The following SHROOM3 variants were observed in gnomAD, a reference collection of about 807,000 sequenced individuals.
SHROOM3 encodes shroom family member 3.
Under a neutral mutation model 138.6 loss-of-function variants are expected in SHROOM3, and 47 were observed. The observed-to-expected ratio is 0.34, with a 90% CI of 0.27 to 0.43. SHROOM3 has a LOEUF of 0.43. Ranked by LOEUF, SHROOM3 falls within the 20% of genes least tolerant of loss-of-function variation. The pLI, the probability that SHROOM3 is intolerant of heterozygous loss-of-function variation, is 1.00. For missense variants in SHROOM3, 2,491 were observed against 2,596.5 expected (o/e 0.96, Z 0.88); for synonymous variants, 1,062 against 1,063.3 (o/e 1.00, Z 0.02).
At chr4:76,449,934 TA>T (rs1392371375) in intron 1 of SHROOM3, among the ~76,000 whole-genome samples, 9 of 152,232 alleles carry the variant, frequency 5.9e-5, no homozygotes, top group Non-Finnish European at 1.2e-4. Flanking sequence ...GTGAGGAAGA[TA>T]AGTGTTTTAC....
intron 10 of SHROOM3, among the ~76,000 whole-genome samples, chr4:76,773,375 A>G (rs1282046046): frequency 5.3e-5 from 6 of 112,592 alleles, no homozygotes; most frequent in Non-Finnish European, 1.2e-4. Context: ...CTGTCTCAGA[A>G]AAAAAAAAAA....
chr4:76,466,681 C>T (rs1328106590), intron 1 of SHROOM3, among the ~76,000 whole-genome samples: 3 of 152,016 alleles, frequency 2.0e-5, no homozygotes, highest in Non-Finnish European at 4.4e-5. Flanking sequence ...GTAATAGTAG[C>T]AATAAGTCTA....
chr4:76,603,838 C>CTTTTTTTT (rs993165829), intron 2 of SHROOM3, among the ~76,000 whole-genome samples: 63 of 97,218 alleles, frequency 6.5e-4, no homozygotes, highest in Non-Finnish European at 9.4e-4. Flanking sequence ...ATCTTGTATT[C>CTTTTTTTT]TTTTTTTTTT....
At chr4:76,673,065 T>C (rs1718935274) in intron 2 of SHROOM3, among the ~76,000 whole-genome samples, 1 of 152,232 alleles carries the variant, frequency 6.6e-6, no homozygotes, top group Non-Finnish European at 1.5e-5. Context: ...GGCCAGATTT[T>C]TTGAAAAGTC....
chr4:76,707,427 T>C (rs1720089700), intron 2 of SHROOM3, among the ~76,000 whole-genome samples: 1 of 152,188 alleles, frequency 6.6e-6, no homozygotes, highest in Non-Finnish European at 1.5e-5. Flanking sequence ...GTGGGAATAA[T>C]ATCTGGCACA....
At chr4:76,448,119 C>T (rs556816475) in intron 1 of SHROOM3, among the ~76,000 whole-genome samples, 10 of 152,030 alleles carry the variant, frequency 6.6e-5, no homozygotes, top group African/African-American at 2.4e-4. Flanking sequence ...GGGTCAGGTA[C>T]TATGTTAGAT....
chr4:76,745,302 T>A (rs2110137614), intron 5 of SHROOM3, among the ~76,000 whole-genome samples: 1 of 152,344 alleles, frequency 6.6e-6, no homozygotes, highest in South Asian at 2.1e-4. Flanking sequence ...ATTTAAAATA[T>A]AGTAGAGACT....
rs369059945 is a variant in SHROOM3 at position 76,779,200 on chromosome 4, A to G, written c.*23A>G. ...TAACCTCTTCTAAAATACCCAACCA[A>G]AAGATCACTGTTTCTCTCAACACTA... is the stretch of plus-strand genomic sequence containing the variant. On this transcript the variant is annotated 3_prime_UTR_variant, in exon 11 of 11. Coordinates refer to ENST00000296043, the MANE Select transcript of SHROOM3 (RefSeq NM_020859.4). The G allele has an allele frequency of 6.3e-7, 1 of 1,578,942 alleles. No individual in the cohort carries two copies. The highest frequency in any genetic ancestry group is 1.4e-5 in the African/African-American group (1 of 73,754).
intron 2 of SHROOM3, chr4:76,688,741 C>T: frequency 2.0e-6 from 2 of 985,250 alleles, no homozygotes; most frequent in Non-Finnish European, 2.4e-6. Flanking sequence ...TCTAAAATTC[C>T]AAAGTTTGCA....
intron 2 of SHROOM3, among the ~76,000 whole-genome samples, chr4:76,702,700 G>A (rs1164149356): frequency 6.6e-6 from 1 of 152,096 alleles, no homozygotes; most frequent in East Asian, 1.9e-4. Flanking sequence ...GGGGCACACC[G>A]CTTCCATGAA....
intron 10 of SHROOM3, among the ~76,000 whole-genome samples, chr4:76,771,856 C>G (rs1242685953): frequency 6.6e-6 from 1 of 152,166 alleles, no homozygotes; most frequent in Non-Finnish European, 1.5e-5. Context: ...CTCCTCTGTA[C>G]GGCAAATAGT....
chr4:76,587,245 T>A (rs1734174843), intron 2 of SHROOM3: 1 of 152,212 alleles, frequency 6.6e-6, no homozygotes, highest in African/African-American at 2.4e-5. Context: ...GAGGATTTAA[T>A]AATTGAAGAT....
intron 10 of SHROOM3, among the ~76,000 whole-genome samples, chr4:76,778,085 G>A (rs1722627755): frequency 6.6e-6 from 1 of 152,122 alleles, no homozygotes; most frequent in South Asian, 2.1e-4. Flanking sequence ...CACCTCCAGA[G>A]TTTTTTATTC....
chr4:76,733,170 C>G (rs1325089766), intron 4 of SHROOM3, among the ~76,000 whole-genome samples: 2 of 152,192 alleles, frequency 1.3e-5, no homozygotes, highest in African/African-American at 4.8e-5. Flanking sequence ...GAGATAAGCA[C>G]TGCAATCAGT....
At chr4:76,751,073 T>A (rs1303363763) in intron 6 of SHROOM3, among the ~76,000 whole-genome samples, 2 of 152,202 alleles carry the variant, frequency 1.3e-5, no homozygotes, top group Non-Finnish European at 2.9e-5. Context: ...ACAGATCCTG[T>A]GCTATGAATT....
chr4:76,461,027 A>G (rs954572332), intron 1 of SHROOM3, among the ~76,000 whole-genome samples: 2 of 129,064 alleles, frequency 1.5e-5, no homozygotes, highest in African/African-American at 5.3e-5. Context: ...ATTTAAAAAA[A>G]AAAAGAAGAA....
intron 2 of SHROOM3, among the ~76,000 whole-genome samples, chr4:76,633,218 G>A (rs983197376): frequency 1.3e-5 from 2 of 151,062 alleles, no homozygotes; most frequent in Non-Finnish European, 2.9e-5. Flanking sequence ...GCACACATCC[G>A]TAGTCCCAGC....
chr4:76,770,745 C>T lies in SHROOM3; in HGVS notation c.5469C>T (p.Ser1823=), dbSNP rs768544157. The stretch of plus-strand genomic sequence containing the variant: ...GAGAAGAGGTGGAGGCTCTGATCAG[C>T]GAGCTCTGCAAGCCCAATGAGTTTG... ...ALGEEVEALI[S]ELCKPNEFDK... Residue 1823 remains serine (S), a synonymous_variant, in exon 10 of 11, where the codon AGC becomes AGT. Coordinates refer to ENST00000296043, the MANE Select transcript of SHROOM3 (RefSeq NM_020859.4). The T allele has an allele frequency of 8.7e-6, 14 of 1,614,036 alleles. No homozygotes were observed. Among genetic ancestry groups the T allele is most frequent in the East Asian group, 4.5e-5 (2 of 44,868 alleles).
Position 76,740,886 on chromosome 4 carries a change from C to T in SHROOM3, c.2713C>T (p.Arg905Trp), listed in dbSNP as rs768899544. The T allele has an allele frequency of 8.5e-6, 13 of 1,529,204 alleles. No homozygotes were observed. The highest frequency in any genetic ancestry group is 2.6e-5 in the South Asian group (2 of 76,612). The allele number at this position is 1,529,204 out of a possible 1,614,324, so 94.7% of individuals were successfully genotyped here. A position where few individuals can be genotyped will look rare whatever the true frequency, so the allele number is the denominator to read the frequency against. The part of the protein sequence containing the change: ...SSEPEREPEW[R>W]DRPGSPESPL... ...CGAGCCAGAGAGGGAGCCCGAGTGG[C>T]GGGACAGGCCCGGCTCGCCCGAATC... Residue 905 changes from arginine (R) to tryptophan (W), a missense_variant, in exon 5 of 11, where the codon CGG becomes TGG. Transcript: ENST00000296043. The surrounding 1 kb of genome is among the most constrained non-coding windows in gnomAD (Gnocchi z 4.0).
Sources: allele counts gnomAD v4.1 joint callset (sites outside exome capture counted in the v4.1 genomes callset), GRCh38; gene constraint gnomAD v4.1.1; non-coding constraint Gnocchi (gnomAD v3.1); transcripts MANE v1.5; gene names NCBI Gene and HGNC (gene_info 2026-07-23, HGNC 2026-07-21).